NDST4: variants seen among roughly 807,000 people sequenced by gnomAD.
NDST4 encodes the protein N-deacetylase and N-sulfotransferase 4, also known as N-heparan sulfate sulfotransferase 4.
Under a neutral mutation model 100.8 loss-of-function variants are expected in NDST4, and 63 were observed. That is an observed-to-expected ratio of 0.62 (90% CI 0.51 to 0.77). The LOEUF is 0.77. Among genes scored for constraint, NDST4 ranks in the 30% least tolerant of loss-of-function variants. The pLI is 0.00. For missense variants in NDST4, 943 were observed against 1,018.4 expected (o/e 0.93, Z 1.01); for synonymous variants, 377 against 361.8 (o/e 1.04, Z -0.48).
intron 2 of NDST4, among the ~76,000 whole-genome samples, chr4:115,058,980 TAC>T (rs36080386): frequency 0.04 from 5,857 of 147,970 alleles, 265 homozygotes; most frequent in African/African-American, 0.11. Context: ...GTTCTGAAGC[TAC>T]ACACACACAC....
At chr4:115,002,601 T>A (rs1474137164) in intron 2 of NDST4, among the ~76,000 whole-genome samples, 1 of 152,182 alleles carries the variant, frequency 6.6e-6, no homozygotes, top group Non-Finnish European at 1.5e-5. Context: ...ATTGCCTAGG[T>A]GTTCTTCTAG....
intron 1 of NDST4, among the ~76,000 whole-genome samples, chr4:115,090,821 G>A (rs542453230): frequency 5.3e-5 from 8 of 152,078 alleles, no homozygotes; most frequent in South Asian, 2.1e-4. Flanking sequence ...GATGAGCATC[G>A]TGCTGTTGAC....
intron 6 of NDST4, among the ~76,000 whole-genome samples, chr4:114,917,886 A>AT (rs1171364334): frequency 6.6e-6 from 1 of 152,242 alleles, no homozygotes; most frequent in African/African-American, 2.4e-5. Flanking sequence ...GTTAATGCAT[A>AT]GAAAGCATTT....
At chr4:114,903,008 G>A (rs984520410) in intron 6 of NDST4, among the ~76,000 whole-genome samples, 3 of 151,984 alleles carry the variant, frequency 2.0e-5, no homozygotes, top group Non-Finnish European at 4.4e-5. Context: ...AGTTTAACTG[G>A]TAGATTCCTT....
chr4:115,054,469 T>G (rs1383871378), intron 2 of NDST4, among the ~76,000 whole-genome samples: 1 of 152,168 alleles, frequency 6.6e-6, no homozygotes, highest in Non-Finnish European at 1.5e-5. Context: ...AATAAGAAAT[T>G]TTATGTTTTA....
intron 1 of NDST4, among the ~76,000 whole-genome samples, chr4:115,112,369 T>G (rs1022468390): frequency 6.6e-6 from 1 of 151,878 alleles, no homozygotes; most frequent in Admixed American, 6.6e-5. Context: ...ACTAAAATCA[T>G]TCTGAGAGTT....
At chr4:114,860,620 G>C (rs1454996993) in intron 7 of NDST4, among the ~76,000 whole-genome samples, 1 of 152,160 alleles carries the variant, frequency 6.6e-6, no homozygotes, top group Non-Finnish European at 1.5e-5. Context: ...GTATCAGTCT[G>C]AGCCCCTAGG....
intron 1 of NDST4, among the ~76,000 whole-genome samples, chr4:115,102,704 CTTTTT>C (rs751431042): frequency 9.1e-4 from 82 of 90,568 alleles, no homozygotes; most frequent in African/African-American, 2.9e-3. Context: ...TTCTGACTTC[CTTTTT>C]TTTTTTTTTT....
intron 6 of NDST4, among the ~76,000 whole-genome samples, chr4:114,930,884 T>C (rs1000303795): frequency 6.6e-6 from 1 of 151,952 alleles, no homozygotes; most frequent in African/African-American, 2.4e-5. Flanking sequence ...CTATTAAAGA[T>C]GAAAAGACAC....
At chr4:114,913,094 C>G (rs1725096080) in intron 6 of NDST4, among the ~76,000 whole-genome samples, 1 of 151,402 alleles carries the variant, frequency 6.6e-6, no homozygotes, top group African/African-American at 2.4e-5. Flanking sequence ...CAACCCATAT[C>G]CAATTTTTGA....
intron 1 of NDST4, among the ~76,000 whole-genome samples, chr4:115,089,882 G>C (rs556136613): frequency 1.2e-3 from 188 of 151,940 alleles, no homozygotes; most frequent in African/African-American, 4.0e-3. Flanking sequence ...TGTAGTCACA[G>C]GATATGTAGG....
Position 114,829,819 on chromosome 4 carries a change from C to G in NDST4, c.2470G>C (p.Gly824Arg), listed in dbSNP as rs1723155944. ...GKTKCLGKSK[G>R]RKYPPMDPES... is the part of the protein sequence containing the mutation. ...GGATCCATAGGTGGATATTTTCGGC[C>G]TTTGCTTTTTCCAAGGCATTTTGTC... Residue 824 changes from glycine (G) to arginine (R), a missense_variant, in exon 13 of 14, where the codon GGC (glycine) becomes CGC (arginine). Gly to Arg is a moderately radical substitution (Grantham distance 125, BLOSUM62 -2). Around this residue, in one of 2 missense-constraint regions of NDST4, gnomAD observed 526 missense variants for 634.1 expected, o/e 0.83. Transcript: ENST00000264363. The G allele has an allele frequency of 6.2e-7, 1 of 1,611,152 alleles. No homozygotes were observed. Among genetic ancestry groups the G allele is most frequent in the East Asian group, 2.2e-5 (1 of 44,576 alleles).
chr4:115,016,627 T>C lies in NDST4; in HGVS notation c.979-39353A>G, dbSNP rs567666431. 4.1e-4 allele frequency among the ~76,000 whole-genome samples: 62 copies of C among 152,100 alleles called. 1 individual carries two copies. The highest frequency in any genetic ancestry group is 7.9e-4 in the Non-Finnish European group (54 of 68,010). Reference sequence around the variant, plus strand: ...GAGTTACTATGTTGGCTGTGGTGATTGATCCTATTGGGGGATATTGGATAG... The same window carrying C: ...GAGTTACTATGTTGGCTGTGGTGATCGATCCTATTGGGGGATATTGGATAG... On this transcript the variant is annotated intron_variant, in intron 2 of 13. Coordinates refer to ENST00000264363, the MANE Select transcript of NDST4 (RefSeq NM_022569.3).
At chr4:115,038,409 AAAGACAGTAGG>A (rs1238886609) in intron 2 of NDST4, among the ~76,000 whole-genome samples, 1 of 152,148 alleles carries the variant, frequency 6.6e-6, no homozygotes, top group Non-Finnish European at 1.5e-5. Flanking sequence ...GAAAGCCGTC[AAAGACAGTAGG>A]AAGACTAAAT....
chr4:115,028,406 C>T (rs1490021014), intron 2 of NDST4, among the ~76,000 whole-genome samples: 4 of 151,926 alleles, frequency 2.6e-5, no homozygotes, highest in East Asian at 1.9e-4. Flanking sequence ...GTACATATAT[C>T]GATTTAGGAT....
intron 4 of NDST4, among the ~76,000 whole-genome samples, chr4:114,949,281 T>C (rs988552080): frequency 6.6e-6 from 1 of 151,974 alleles, no homozygotes; most frequent in Non-Finnish European, 1.5e-5. Context: ...CTGCAAATTC[T>C]AGACAATGGG....
Position 114,977,206 on chromosome 4 carries a change from T to A in NDST4, c.1047A>T (p.Ser349=), listed in dbSNP as rs774428325. ...TCTTACCTGTGTGGTAAAACTTCCC[T>A]GAAAATCCAAGGTTGAAGGTAAAAT... ...VANFTFNLGF[S]GKFYHTGTEE... Residue 349 remains serine, a synonymous_variant, in exon 3 of 14, where the codon TCA becomes TCT. Transcript: ENST00000264363. 6.2e-7 allele frequency: 1 copy of A among 1,609,024 alleles called. No homozygotes were observed. Among genetic ancestry groups the A allele is most frequent in the Non-Finnish European group, 8.5e-7 (1 of 1,176,832 alleles).
At chr4:115,059,683 T>C (rs1388161360) in intron 2 of NDST4, among the ~76,000 whole-genome samples, 1 of 152,092 alleles carries the variant, frequency 6.6e-6, no homozygotes, top group Non-Finnish European at 1.5e-5. Context: ...TGTTGTATCT[T>C]GGTTTCTTTT....
At chr4:115,041,770 G>A (rs1173216015) in intron 2 of NDST4, among the ~76,000 whole-genome samples, 1 of 151,986 alleles carries the variant, frequency 6.6e-6, no homozygotes, top group Non-Finnish European at 1.5e-5. Flanking sequence ...AGATGTCTGA[G>A]TTTCTGCCTA....
Sources: allele counts gnomAD v4.1 joint callset (sites outside exome capture counted in the v4.1 genomes callset), GRCh38; gene constraint gnomAD v4.1.1; regional missense constraint gnomAD v4.1.1; transcripts MANE v1.5; gene names NCBI Gene and HGNC (gene_info 2026-07-23, HGNC 2026-07-21).